The following NAV3 variants were observed in gnomAD, a reference collection of about 807,000 sequenced individuals.
NAV3 encodes the protein pore membrane and/or filament interacting like protein 1.
A neutral mutation model predicts 244.7 loss-of-function variants in NAV3; 87 were observed. That is an observed-to-expected ratio of 0.36 (90% CI 0.30 to 0.42). The LOEUF (loss-of-function observed/expected upper bound fraction) is 0.42, where lower values mean the gene tolerates loss of function less well. Among genes scored for constraint, NAV3 ranks in the 20% least tolerant of loss-of-function variants. The probability of loss-of-function intolerance (pLI) is 1.00; values close to 1 mark genes in which losing one functional copy is unlikely to be tolerated. For synonymous variants in NAV3, 1,126 were observed against 1,042.2 expected, an observed-to-expected ratio of 1.08 and a Z score of -1.55; for missense variants, 2,663 against 2,893.3, an observed-to-expected ratio of 0.92 and a Z score of 1.83.
intron 2 of NAV3, among the ~76,000 whole-genome samples, chr12:77,797,418 G>A (rs1871460149): frequency 6.7e-6 from 1 of 148,732 alleles, no homozygotes; most frequent in Non-Finnish European, 1.5e-5. Flanking sequence ...CTTAATAAAA[G>A]TTTGTTATTA....
At chr12:78,033,634 TG>T (rs1879362776) in intron 9 of NAV3, among the ~76,000 whole-genome samples, 1 of 152,146 alleles carries the variant, frequency 6.6e-6, no homozygotes, top group African/African-American at 2.4e-5. Context: ...GATGTAGTTC[TG>T]GGACAAACCT....
At chr12:77,824,371 G>T (rs2136041668) in intron 2 of NAV3, among the ~76,000 whole-genome samples, 1 of 151,124 alleles carries the variant, frequency 6.6e-6, no homozygotes, top group African/African-American at 2.4e-5. Context: ...GGGATTACAG[G>T]CATGCGCCAC....
intron 39 of NAV3, among the ~76,000 whole-genome samples, chr12:78,210,182 C>T (rs300449): frequency 0.93 from 142,249 of 152,188 alleles, 66,822 homozygotes; most frequent in East Asian, 1. Context: ...AAGAGTTATC[C>T]AGAGGCCCTA....
chr12:78,048,328 GT>G (rs1239115488), intron 9 of NAV3, among the ~76,000 whole-genome samples: 2 of 151,798 alleles, frequency 1.3e-5, no homozygotes, highest in South Asian at 2.1e-4. Context: ...TTTTTGCACT[GT>G]TTTTTTTCTC....
intron 12 of NAV3, among the ~76,000 whole-genome samples, chr12:78,095,885 C>T (rs1392446895): frequency 6.6e-6 from 1 of 152,184 alleles, no homozygotes; most frequent in Non-Finnish European, 1.5e-5. Context: ...CCAGATGACA[C>T]TCTGTATGCT....
At chr12:78,027,326 T>A (rs1161226598) in intron 9 of NAV3, among the ~76,000 whole-genome samples, 1 of 151,370 alleles carries the variant, frequency 6.6e-6, no homozygotes, top group Non-Finnish European at 1.5e-5. Flanking sequence ...ACATGTGTAG[T>A]CCAATCTACT....
intron 13 of NAV3, among the ~76,000 whole-genome samples, chr12:78,117,172 T>TATA (rs1955433024): frequency 7.5e-6 from 1 of 134,080 alleles, no homozygotes; most frequent in African/African-American, 2.8e-5. Context: ...TATATATATA[T>TATA]ATATATATAT....
chr12:78,206,637 G>A (rs1960340047), intron 39 of NAV3, among the ~76,000 whole-genome samples: 1 of 151,968 alleles, frequency 6.6e-6, no homozygotes, highest in Admixed American at 6.6e-5. Flanking sequence ...TCTTCTAGTA[G>A]AGGAAACAAA....
At position 78,058,980 on chromosome 12, in the gene NAV3, A is replaced by G. The variant is rs200006922; in HGVS notation, c.2517-16A>G. 3 of 1,579,322 alleles carry G rather than the reference A, an allele frequency of 1.9e-6. No individual in the cohort carries two copies. In the African/African-American group the frequency reaches 4.1e-5, roughly 22 times the overall value. ...TGATTTAGTTTTCTGTGAATTAATT[A>G]GACATTTCTTTTCAGGTACATGACA... is the stretch of plus-strand genomic sequence containing the variant. On this transcript the variant is annotated splice_polypyrimidine_tract_variant and intron_variant, in intron 11 of 39. Transcript: ENST00000397909.
chr12:78,122,491 C>T (rs2138711679), intron 16 of NAV3, 63 bp downstream of exon 16: 1 of 1,494,550 alleles, frequency 6.7e-7, no homozygotes. Flanking sequence ...GCCTAACCCC[C>T]ACCCCATTAA....
chr12:78,064,811 T>C (rs1196795235), intron 12 of NAV3, among the ~76,000 whole-genome samples: 1 of 151,908 alleles, frequency 6.6e-6, no homozygotes, highest in East Asian at 1.9e-4. Context: ...GTATACAAGC[T>C]CTAGATTGTA....
intron 3 of NAV3, among the ~76,000 whole-genome samples, chr12:77,963,195 T>C (rs978201664): frequency 6.6e-6 from 1 of 152,176 alleles, no homozygotes; most frequent in Non-Finnish European, 1.5e-5. Flanking sequence ...AAACAGTGTT[T>C]GTACTAGGTC....
Position 77,641,343 on chromosome 12 carries a change from C to A in NAV3, c.72+69077C>A, listed in dbSNP as rs559550950. Among the ~76,000 whole-genome samples the A allele has an allele frequency of 5.3e-5, 8 of 152,028 alleles. No homozygotes were observed. The South Asian group carries it at 8.3e-4, about 16-fold the overall frequency. On this transcript the variant is annotated intron_variant, in intron 2 of 8. Coordinates refer to the NAV3 transcript ENST00000550042. The stretch of plus-strand genomic sequence containing the variant: ...GCCGAGTTGGGATGACATCACAGAG[C>A]GGCAGAAATAAGACCTCAGTCAAGA...
At chr12:77,977,687 T>TAC (rs1358368460) in intron 5 of NAV3, among the ~76,000 whole-genome samples, 5 of 93,348 alleles carry the variant, frequency 5.4e-5, no homozygotes, top group Non-Finnish European at 1.2e-4. Context: ...GAGATATATA[T>TAC]ATACACACAC....
At chr12:77,619,966 A>G (rs1292333476) in intron 2 of NAV3, among the ~76,000 whole-genome samples, 1 of 152,232 alleles carries the variant, frequency 6.6e-6, no homozygotes, top group Non-Finnish European at 1.5e-5. Context: ...ATTAAAGGAT[A>G]TGAAAGGTAG....
intron 17 of NAV3, 89 bp from the exon 18 acceptor site, chr12:78,128,617 A>G (rs969223109): frequency 5.3e-6 from 7 of 1,317,548 alleles, no homozygotes; most frequent in Non-Finnish European, 7.3e-6. Context: ...TTCATTCTGA[A>G]TAGTAACCTC....
chr12:78,027,384 G>A (rs1279636949), intron 9 of NAV3, among the ~76,000 whole-genome samples: 2 of 150,182 alleles, frequency 1.3e-5, no homozygotes, highest in East Asian at 3.9e-4. Context: ...GTTCAAAGCT[G>A]CAGGAGTCAT....
chr12:78,058,808 T>G (rs1326158982), intron 11 of NAV3, among the ~76,000 whole-genome samples, 188 bp from the exon 12 acceptor site: 6 of 152,154 alleles, frequency 3.9e-5, no homozygotes, highest in African/African-American at 9.7e-5. Context: ...AATATTGATT[T>G]CCTAGTAAAC....
intron 2 of NAV3, among the ~76,000 whole-genome samples, chr12:77,598,506 GT>G (rs1565730775): frequency 6.6e-6 from 1 of 151,930 alleles, no homozygotes; most frequent in Non-Finnish European, 1.5e-5. Flanking sequence ...TTGTAGTAGG[GT>G]CTGATTGTCC....
Sources: allele counts gnomAD v4.1 joint callset (sites outside exome capture counted in the v4.1 genomes callset), GRCh38; gene constraint gnomAD v4.1.1; transcripts MANE v1.5; gene names NCBI Gene and HGNC (gene_info 2026-07-23, HGNC 2026-07-21).